Variants in ZDHHC14 observed in about 807,000 individuals in gnomAD.
The protein encoded by ZDHHC14 is zDHHC palmitoyltransferase 14, also known as palmitoyltransferase ZDHHC14.
In ZDHHC14, 16 loss-of-function variants were observed where a neutral mutation model predicts 47.7. That is an observed-to-expected ratio of 0.34 (90% CI 0.23 to 0.51). ZDHHC14 has a LOEUF of 0.51. ZDHHC14 is among the 20% of genes least tolerant of loss of function. The pLI, the probability that ZDHHC14 is intolerant of heterozygous loss-of-function variation, is 0.97. For synonymous variants in ZDHHC14, 293 were observed against 278.9 expected (o/e 1.05, Z -0.50); for missense variants, 515 against 662.5 (o/e 0.78, Z 2.44).
chr6:157,564,632 T>C (rs909063313), intron 2 of ZDHHC14, among the ~76,000 whole-genome samples: 2 of 152,236 alleles, frequency 1.3e-5, no homozygotes, highest in African/African-American at 4.8e-5. Flanking sequence ...ACCAAACTGC[T>C]ATTGATCACA....
At chr6:157,420,543 G>T (rs1201920018) in intron 1 of ZDHHC14, among the ~76,000 whole-genome samples, 1 of 152,072 alleles carries the variant, frequency 6.6e-6, no homozygotes, top group Admixed American at 6.6e-5. Context: ...AGTCATTGAA[G>T]TGGTGGGCTG....
chr6:157,636,335 A>AAG (rs1491434014), intron 5 of ZDHHC14, among the ~76,000 whole-genome samples: 3 of 52,202 alleles, frequency 5.7e-5, no homozygotes, highest in Non-Finnish European at 1.0e-4. Context: ...AAGGATATAT[A>AAG]AGTGTGTGTG....
intron 7 of ZDHHC14, among the ~76,000 whole-genome samples, chr6:157,647,712 A>G (rs1001432578): frequency 6.6e-6 from 1 of 152,232 alleles, no homozygotes; most frequent in Non-Finnish European, 1.5e-5. Context: ...GACAGGACAC[A>G]TGTGCAGGAA....
At chr6:157,415,816 G>A (rs1011645348) in intron 1 of ZDHHC14, among the ~76,000 whole-genome samples, 1 of 151,876 alleles carries the variant, frequency 6.6e-6, no homozygotes, top group South Asian at 2.1e-4. Context: ...AGAGATTGCC[G>A]TGAGCCGAGA....
intron 3 of ZDHHC14, among the ~76,000 whole-genome samples, chr6:157,594,218 A>T (rs1302228316): frequency 1.3e-5 from 2 of 152,216 alleles, no homozygotes; most frequent in South Asian, 4.1e-4. Context: ...TCTTAAATTA[A>T]CTTTACCCTA....
chr6:157,648,116 G>A (rs1009120369), intron 7 of ZDHHC14, among the ~76,000 whole-genome samples: 5 of 152,358 alleles, frequency 3.3e-5, no homozygotes, highest in Admixed American at 2.6e-4. Flanking sequence ...CTGCCTCCAA[G>A]TCAGAGTGTA....
At chr6:157,570,790 C>T (rs552965161) in intron 2 of ZDHHC14, among the ~76,000 whole-genome samples, 12 of 150,384 alleles carry the variant, frequency 8.0e-5, no homozygotes, top group Non-Finnish European at 1.2e-4. Flanking sequence ...TACACACACA[C>T]ACACATATAT....
intron 1 of ZDHHC14, among the ~76,000 whole-genome samples, chr6:157,442,334 G>A (rs1778576627): frequency 6.6e-6 from 1 of 152,202 alleles, no homozygotes; most frequent in Non-Finnish European, 1.5e-5. Context: ...AGTGAGCTGA[G>A]ATCACGCCAT....
At chr6:157,401,199 A>G (rs1303416503) in intron 1 of ZDHHC14, among the ~76,000 whole-genome samples, 1 of 152,238 alleles carries the variant, frequency 6.6e-6, no homozygotes, top group Non-Finnish European at 1.5e-5. Context: ...TGTAGAGTTC[A>G]AAGATAAATA....
At chr6:157,383,998 T>C (rs1329325162) in intron 1 of ZDHHC14, among the ~76,000 whole-genome samples, 4 of 152,256 alleles carry the variant, frequency 2.6e-5, no homozygotes, top group Admixed American at 6.5e-5. Flanking sequence ...CGTGATGCCA[T>C]GTGGTTTAAC....
rs1347331800 is a variant in ZDHHC14 at position 157,623,243 on chromosome 6, G to A, written c.566-5106G>A. On this transcript the variant is annotated intron_variant, in intron 3 of 8. Transcript: ENST00000359775. ...TCCCCATGTGTGGTGGGAGGAGCTG[G>A]TGGGAGGTAATTGAATCATGGGGGC... 2.0e-5 allele frequency among the ~76,000 whole-genome samples: 3 copies of A among 152,250 alleles called. No homozygotes were observed. In the East Asian group the frequency reaches 5.8e-4, roughly 29 times the overall value.
intron 6 of ZDHHC14, among the ~76,000 whole-genome samples, chr6:157,646,122 C>G (rs780321948): frequency 8.0e-4 from 122 of 152,152 alleles, no homozygotes; most frequent in Admixed American, 4.5e-3. Context: ...CTTTGTATTC[C>G]TTTGAAATGG....
At chr6:157,482,521 T>C (rs1195997174) in intron 1 of ZDHHC14, among the ~76,000 whole-genome samples, 1 of 152,090 alleles carries the variant, frequency 6.6e-6, no homozygotes, top group Non-Finnish European at 1.5e-5. Context: ...CCGAAAGTGC[T>C]GGGATTACAG....
At chr6:157,468,601 T>C (rs1779278577) in intron 1 of ZDHHC14, among the ~76,000 whole-genome samples, 1 of 152,238 alleles carries the variant, frequency 6.6e-6, no homozygotes, top group Non-Finnish European at 1.5e-5. Flanking sequence ...AAGTATGTTT[T>C]CAGAATGATT....
At chr6:157,603,108 A>G (rs1356367203) in intron 3 of ZDHHC14, among the ~76,000 whole-genome samples, 5 of 152,134 alleles carry the variant, frequency 3.3e-5, no homozygotes, top group African/African-American at 9.7e-5. Context: ...ACAGTGCTTC[A>G]TGGCAGTGCC....
chr6:157,384,819 C>T (rs867039769), intron 1 of ZDHHC14, among the ~76,000 whole-genome samples: 10 of 152,322 alleles, frequency 6.6e-5, no homozygotes, highest in African/African-American at 2.2e-4. Context: ...CAGGCCAATC[C>T]CTAAGCGAGA....
At chr6:157,567,820 A>C (rs1782962289) in intron 2 of ZDHHC14, among the ~76,000 whole-genome samples, 1 of 151,732 alleles carries the variant, frequency 6.6e-6, no homozygotes, top group African/African-American at 2.4e-5. Flanking sequence ...CAAAAAAAAA[A>C]AAAAAAGTTG....
intron 2 of ZDHHC14, among the ~76,000 whole-genome samples, chr6:157,545,736 A>C (rs1437337473): frequency 6.6e-6 from 1 of 152,030 alleles, no homozygotes; most frequent in Non-Finnish European, 1.5e-5. Context: ...GGGGTGGAAG[A>C]AGCAGAAGGA....
intron 1 of ZDHHC14, among the ~76,000 whole-genome samples, chr6:157,534,885 C>T (rs1040575893): frequency 6.6e-6 from 1 of 152,156 alleles, no homozygotes; most frequent in Non-Finnish European, 1.5e-5. Flanking sequence ...CCGGCCTCTT[C>T]CTGGAATTTT....
Sources: gnomAD v4.1 joint callset for allele counts (sites outside exome capture counted in the v4.1 genomes callset) on GRCh38, gnomAD v4.1.1 for gene constraint, MANE v1.5 for transcripts, NCBI Gene and HGNC (gene_info 2026-07-23, HGNC 2026-07-21) for gene names.